Variants in SULT1C4 observed in about 807,000 individuals in gnomAD.
SULT1C4 encodes the protein sulfotransferase family 1C member 4, also known as sulfotransferase 1C4.
Under a neutral mutation model 34.8 loss-of-function variants are expected in SULT1C4, and 32 were observed. That is an observed-to-expected ratio of 0.92 (90% CI 0.69 to 1.23). The LOEUF (loss-of-function observed/expected upper bound fraction) is 1.23, where lower values mean the gene tolerates loss of function less well. Ranked by LOEUF, SULT1C4 falls within the 50% of genes most tolerant of loss-of-function variation. SULT1C4 has a pLI of 0.00. For missense variants in SULT1C4, 375 were observed against 365.9 expected (o/e 1.02, Z -0.20); for synonymous variants, 111 against 120.5 (o/e 0.92, Z 0.51).
In SULT1C4 at chr2:108,383,014, T is replaced by C. The variant is rs1309169318; in HGVS notation, c.394-79T>C. On this transcript the variant is annotated intron_variant, in intron 3 of 6. Coordinates refer to ENST00000272452, the MANE Select transcript of SULT1C4 (RefSeq NM_006588.4). ...TGTATCTACCCTAACATGACTTGCC[T>C]GGGCAGTAACAGCAAAAAAAAAAAA... 2.1e-5 allele frequency: 30 copies of C among 1,444,138 alleles called. 1 individual carries two copies. Among genetic ancestry groups the C allele is most frequent in the Middle Eastern group, 2.0e-4 (1 of 5,056 alleles). The allele number at this position is 1,444,138 out of a possible 1,614,324, so 89.5% of individuals were successfully genotyped here.
chr2:108,385,139 A>T (rs1241367406), intron 5 of SULT1C4, among the ~76,000 whole-genome samples: 1 of 152,218 alleles, frequency 6.6e-6, no homozygotes, highest in Non-Finnish European at 1.5e-5. Context: ...TCAGTATAAA[A>T]TTCCCTTCTT....
At chr2:108,382,632 G>A (rs777573519) in intron 3 of SULT1C4, 150 bp downstream of exon 3, 102 of 665,234 alleles carry the variant, frequency 1.5e-4, no homozygotes, top group Non-Finnish European at 2.2e-4. Context: ...AGCCAGGCAC[G>A]TTGGCTCATG....
intron 5 of SULT1C4, among the ~76,000 whole-genome samples, chr2:108,385,640 G>A (rs1042009321): frequency 1.3e-5 from 2 of 151,918 alleles, no homozygotes; most frequent in Non-Finnish European, 2.9e-5. Context: ...CCTTTGATGC[G>A]AAATCAGTAG....
At chr2:108,382,339 A>AGG in intron 2 of SULT1C4, 46 bp from the exon 3 acceptor site, 1 of 1,396,330 alleles carries the variant, frequency 7.2e-7, no homozygotes, top group South Asian at 1.2e-5. Flanking sequence ...GGAAGCAAAT[A>AGG]GATAAAAAAA....
chr2:108,387,046 CAAGA>C (rs912046489), intron 6 of SULT1C4, among the ~76,000 whole-genome samples: 1 of 152,168 alleles, frequency 6.6e-6, no homozygotes, highest in African/African-American at 2.4e-5. Flanking sequence ...CAGGGAAAGA[CAAGA>C]AAGCCCTTCA....
rs544230559 is a variant in SULT1C4 at position 108,383,955 on chromosome 2, G to A, written c.615+445G>A. Reference sequence around the variant, plus strand: ...GCGATCTCAAGTCACTGCAAGCTCCGCCTCCCGGGTTCAAGAGATTCTCCT... The same window carrying A: ...GCGATCTCAAGTCACTGCAAGCTCCACCTCCCGGGTTCAAGAGATTCTCCT... On this transcript the variant is annotated intron_variant, in intron 5 of 6. Coordinates refer to ENST00000272452, the MANE Select transcript of SULT1C4 (RefSeq NM_006588.4). Among the ~76,000 whole-genome samples the A allele has an allele frequency of 3.7e-4, 56 of 151,490 alleles. 1 individual carries two copies. In the South Asian group the frequency reaches 1.0e-2, roughly 27 times the overall value.
At chr2:108,382,623 G>A (rs538345865) in intron 3 of SULT1C4, 141 bp downstream of exon 3, 3 of 711,126 alleles carry the variant, frequency 4.2e-6, no homozygotes, top group East Asian at 2.8e-5. Context: ...ATGAATCCTA[G>A]CCAGGCACGT....
At chr2:108,379,538 A>T (rs1246464619) in intron 1 of SULT1C4, among the ~76,000 whole-genome samples, 1 of 152,204 alleles carries the variant, frequency 6.6e-6, no homozygotes, top group Non-Finnish European at 1.5e-5. Context: ...CAATACATAA[A>T]TAATCTTTTC....
chr2:108,380,097 A>G (rs1678346828), intron 1 of SULT1C4, among the ~76,000 whole-genome samples: 1 of 152,222 alleles, frequency 6.6e-6, no homozygotes, highest in Non-Finnish European at 1.5e-5. Flanking sequence ...ATGTAATTTA[A>G]TTTTTTTCTA....
At chr2:108,386,797 G>C (rs1210968297) in intron 6 of SULT1C4, among the ~76,000 whole-genome samples, 1 of 152,192 alleles carries the variant, frequency 6.6e-6, no homozygotes, top group East Asian at 1.9e-4. Context: ...ATTCATGCCT[G>C]CGTGGAAATT....
intron 2 of SULT1C4, 135 bp from the exon 3 acceptor site, chr2:108,382,250 C>A: frequency 1.3e-6 from 1 of 753,244 alleles, no homozygotes; most frequent in Non-Finnish European, 2.3e-6. Context: ...TAGACGTATT[C>A]TCTCACACCA....
chr2:108,382,577 A>G (rs1416349085), intron 3 of SULT1C4, 95 bp downstream of exon 3: 1 of 901,914 alleles, frequency 1.1e-6, no homozygotes, highest in Non-Finnish European at 1.8e-6. Flanking sequence ...ATATATATAT[A>G]TATACCTCTT....
At chr2:108,382,797 G>T in intron 3 of SULT1C4, 1 of 357,702 alleles carries the variant, frequency 2.8e-6, no homozygotes, top group Admixed American at 4.5e-5. Flanking sequence ...AAGCTACTCA[G>T]GAGGCTGAGG....
chr2:108,386,886 A>T (rs1279349170), intron 6 of SULT1C4, among the ~76,000 whole-genome samples: 2 of 152,234 alleles, frequency 1.3e-5, no homozygotes, highest in Admixed American at 1.3e-4. Flanking sequence ...GGTAACAGGG[A>T]TTACAATTAG....
At chr2:108,386,154 C>A (rs780307411) in intron 5 of SULT1C4, 38 bp from the exon 6 acceptor site, 3 of 1,373,688 alleles carry the variant, frequency 2.2e-6, no homozygotes, top group Non-Finnish European at 2.9e-6. Context: ...TAAACTAATT[C>A]TATTAAATCA....
At position 108,387,795 on chromosome 2, in the gene SULT1C4, AT is replaced by A. The variant is rs57444248; in HGVS notation, c.*382del. On this transcript the variant is annotated 3_prime_UTR_variant, in exon 7 of 7. Coordinates refer to ENST00000272452, the MANE Select transcript of SULT1C4 (RefSeq NM_006588.4). ...TCAGATTAAGTTTTGGTTCAAGTTA[AT>A]TTTTTTTTTTTTTTTTTTGAGACGG... The A allele has an allele frequency of 0.071, 10,027 of 140,674 alleles. 498 individuals are homozygous for A. The highest frequency in any genetic ancestry group is 0.2 in the African/African-American group (7,402 of 36,540). The allele number at this position is 140,674 out of a possible 1,614,324, so 8.7% of individuals were successfully genotyped here.
At chr2:108,383,342 T>C (rs1045788468) in intron 4 of SULT1C4, 74 bp from the exon 5 acceptor site, 2 of 1,590,486 alleles carry the variant, frequency 1.3e-6, no homozygotes, top group African/African-American at 2.7e-5. Context: ...CTCACTTCTC[T>C]TCAGGAATTC....
intron 1 of SULT1C4, among the ~76,000 whole-genome samples, chr2:108,381,460 T>G (rs1678389774): frequency 6.6e-6 from 1 of 152,080 alleles, no homozygotes. Flanking sequence ...CAGATCAGCC[T>G]GGGCAACATG....
At position 108,388,401 on chromosome 2, in the gene SULT1C4, C is replaced by T. The variant is rs41442346; in HGVS notation, c.*969C>T. 1.3e-5 allele frequency among the ~76,000 whole-genome samples: 2 copies of T among 152,108 alleles called. No homozygotes were observed. The highest frequency in any genetic ancestry group is 2.4e-5 in the African/African-American group (1 of 41,396). On this transcript the variant is annotated 3_prime_UTR_variant, in exon 7 of 7. Coordinates refer to ENST00000272452, the MANE Select transcript of SULT1C4 (RefSeq NM_006588.4). Reference sequence around the variant, plus strand: ...CAGAAAATCTGTCAGTTTTAATCTACGAAATCTCTTAAAATATTTCCGTCT... The same window carrying T: ...CAGAAAATCTGTCAGTTTTAATCTATGAAATCTCTTAAAATATTTCCGTCT...
Sources: gnomAD v4.1 joint callset for allele counts (sites outside exome capture counted in the v4.1 genomes callset) on GRCh38, gnomAD v4.1.1 for gene constraint, MANE v1.5 for transcripts, NCBI Gene and HGNC (gene_info 2026-07-23, HGNC 2026-07-21) for gene names.